Variants in ANKFN1 observed in about 807,000 individuals in gnomAD.
ANKFN1 encodes ankyrin repeat and fibronectin type-III domain-containing protein 1.
A neutral mutation model predicts 108.7 loss-of-function variants in ANKFN1; 74 were observed. That is an observed-to-expected ratio of 0.68 (90% CI 0.56 to 0.83). The LOEUF (loss-of-function observed/expected upper bound fraction) is 0.83. Ranked by LOEUF, ANKFN1 falls within the 40% of genes least tolerant of loss-of-function variation. The probability of loss-of-function intolerance (pLI) is 0.00; values close to 1 mark genes in which losing one functional copy is unlikely to be tolerated. For synonymous variants in ANKFN1, 547 were observed against 516.2 expected, an observed-to-expected ratio of 1.06 and a Z score of -0.81; for missense variants, 1,505 against 1,382.3, an observed-to-expected ratio of 1.09 and a Z score of -1.41.
At chr17:56,331,528 G>T (rs947971723) in intron 4 of ANKFN1, among the ~76,000 whole-genome samples, 1 of 152,182 alleles carries the variant, frequency 6.6e-6, no homozygotes, top group Non-Finnish European at 1.5e-5. Context: ...ATGACAGGAA[G>T]TCTTGACTTC....
intron 7 of ANKFN1, among the ~76,000 whole-genome samples, chr17:56,374,291 G>T (rs2046887768): frequency 6.6e-6 from 1 of 152,186 alleles, no homozygotes; most frequent in Non-Finnish European, 1.5e-5. Context: ...ATAGGATCCT[G>T]CTATCACTTC....
At chr17:56,312,582 C>T (rs2045062455) in intron 3 of ANKFN1, among the ~76,000 whole-genome samples, 2 of 152,164 alleles carry the variant, frequency 1.3e-5, no homozygotes, top group South Asian at 4.1e-4. Context: ...GACCTCCTTT[C>T]CTTTGCTCGT....
chr17:56,105,887 G>C (rs1364915594), intron 4 of ANKFN1, among the ~76,000 whole-genome samples: 1 of 152,018 alleles, frequency 6.6e-6, no homozygotes, highest in East Asian at 1.9e-4. Context: ...TGAGAGGATA[G>C]TGGTGGTGTT....
intron 3 of ANKFN1, among the ~76,000 whole-genome samples, chr17:56,290,952 T>A (rs906866593): frequency 4.6e-5 from 7 of 152,172 alleles, no homozygotes; most frequent in Non-Finnish European, 8.8e-5. Flanking sequence ...CTGGAATGCT[T>A]AGAGAACAAT....
At chr17:56,126,357 T>A (rs1313843121) in intron 4 of ANKFN1, among the ~76,000 whole-genome samples, 2 of 152,116 alleles carry the variant, frequency 1.3e-5, no homozygotes, top group African/African-American at 4.8e-5. Flanking sequence ...CGGATCACAA[T>A]GAAGGCATGC....
chr17:56,091,418 TCACA>T (rs34588908), intron 4 of ANKFN1, among the ~76,000 whole-genome samples: 7,500 of 136,752 alleles, frequency 0.055, 500 homozygotes, highest in African/African-American at 0.14. Context: ...TCCAAACAAA[TCACA>T]CACACACACA....
chr17:56,101,115 G>C (rs1458162814), intron 4 of ANKFN1, among the ~76,000 whole-genome samples: 1 of 152,104 alleles, frequency 6.6e-6, no homozygotes, highest in Non-Finnish European at 1.5e-5. Context: ...TCCAGGAAGT[G>C]AACAGTAGGC....
At chr17:56,448,876 C>A (rs754538682) in intron 10 of ANKFN1, among the ~76,000 whole-genome samples, 1 of 152,130 alleles carries the variant, frequency 6.6e-6, no homozygotes, top group Non-Finnish European at 1.5e-5. Context: ...CACAAGAAAC[C>A]AACCACAATT....
intron 19 of ANKFN1, among the ~76,000 whole-genome samples, chr17:56,496,951 G>C (rs1421135087): frequency 6.6e-6 from 1 of 151,854 alleles, no homozygotes; most frequent in Non-Finnish European, 1.5e-5. Flanking sequence ...TCTGTTTGTG[G>C]GTAGAGATCT....
intron 8 of ANKFN1, among the ~76,000 whole-genome samples, chr17:56,432,842 A>G (rs796250229): frequency 1.1e-4 from 16 of 152,236 alleles, no homozygotes; most frequent in African/African-American, 3.6e-4. Flanking sequence ...TACCTAAATT[A>G]TGCCCAAGAA....
At chr17:56,236,500 G>T (rs965527800) in intron 3 of ANKFN1, among the ~76,000 whole-genome samples, 5 of 152,108 alleles carry the variant, frequency 3.3e-5, no homozygotes, top group Admixed American at 3.3e-4. Context: ...CTTGTCTGTT[G>T]TTGGTGTATA....
intron 10 of ANKFN1, among the ~76,000 whole-genome samples, chr17:56,447,315 A>G (rs1261701229): frequency 6.6e-6 from 1 of 152,242 alleles, no homozygotes; most frequent in Non-Finnish European, 1.5e-5. Flanking sequence ...ACCACAAGGA[A>G]CAAAGACTCT....
At chr17:56,477,748 A>G in intron 16 of ANKFN1, 94 bp downstream of exon 16, 1 of 1,424,494 alleles carries the variant, frequency 7.0e-7, no homozygotes, top group Non-Finnish European at 9.6e-7. Context: ...TGTTACTTCC[A>G]GGGCAGTTTT....
At chr17:56,216,030 T>A (rs1449748398) in intron 2 of ANKFN1, among the ~76,000 whole-genome samples, 1 of 152,218 alleles carries the variant, frequency 6.6e-6, no homozygotes, top group Non-Finnish European at 1.5e-5. Context: ...ATTCAAGCCA[T>A]TTACTCTCCT....
At chr17:56,462,663 C>T (rs1333035182) in intron 14 of ANKFN1, among the ~76,000 whole-genome samples, 1 of 152,198 alleles carries the variant, frequency 6.6e-6, no homozygotes, top group Non-Finnish European at 1.5e-5. Flanking sequence ...GTTTGATTGG[C>T]ATCAACCATA....
At chr17:56,216,251 GA>G (rs1406979740) in intron 2 of ANKFN1, among the ~76,000 whole-genome samples, 10 of 152,188 alleles carry the variant, frequency 6.6e-5, no homozygotes, top group African/African-American at 2.2e-4. Flanking sequence ...TTTGAAAGCG[GA>G]TCCTTTATTC....
intron 2 of ANKFN1, among the ~76,000 whole-genome samples, 195 bp from the exon 3 acceptor site, chr17:56,227,722 A>G (rs1165830580): frequency 1.3e-5 from 2 of 152,092 alleles, no homozygotes; most frequent in Admixed American, 6.6e-5. Context: ...AGCAGCTAGC[A>G]TGAATGTTTT....
At chr17:56,474,350 C>T (rs1276677038) in intron 15 of ANKFN1, among the ~76,000 whole-genome samples, 1 of 152,182 alleles carries the variant, frequency 6.6e-6, no homozygotes, top group African/African-American at 2.4e-5. Context: ...GGAGACTTCT[C>T]TCTGGTCTTG....
At chr17:56,492,048 AATTT>A (rs1261782855) in intron 18 of ANKFN1, 135 bp from the exon 19 acceptor site, 11 of 589,062 alleles carry the variant, frequency 1.9e-5, no homozygotes, top group Non-Finnish European at 2.7e-5. Context: ...GCACATTTAT[AATTT>A]ATTTATGGCT....
Sources: gnomAD v4.1 joint callset for allele counts (sites outside exome capture counted in the v4.1 genomes callset) on GRCh38, gnomAD v4.1.1 for gene constraint, MANE v1.5 for transcripts, NCBI Gene and HGNC (gene_info 2026-07-23, HGNC 2026-07-21) for gene names.